Variants in VWA3B observed in about 807,000 individuals in gnomAD.
VWA3B encodes von Willebrand factor A domain-containing protein 3B.
Under a neutral mutation model 158.3 loss-of-function variants are expected in VWA3B, and 138 were observed. The observed-to-expected ratio is 0.87, with a 90% CI of 0.76 to 1.00. The LOEUF is 1.00. Among genes scored for constraint, VWA3B ranks in the 50% least tolerant of loss-of-function variants. The probability of loss-of-function intolerance (pLI) is 0.00; values close to 1 mark genes in which losing one functional copy is unlikely to be tolerated. For synonymous variants in VWA3B, 596 were observed against 587.3 expected, an observed-to-expected ratio of 1.01 and a Z score of -0.21; for missense variants, 1,555 against 1,565.1, an observed-to-expected ratio of 0.99 and a Z score of 0.11.
intron 13 of VWA3B, among the ~76,000 whole-genome samples, chr2:98,216,194 G>T (rs1683974542): frequency 6.6e-6 from 1 of 152,212 alleles, no homozygotes; most frequent in Admixed American, 6.5e-5. Context: ...AATTAAGCAG[G>T]TCAAAAAATT....
At chr2:98,257,000 A>G (rs1025085331) in intron 21 of VWA3B, among the ~76,000 whole-genome samples, 6 of 152,132 alleles carry the variant, frequency 3.9e-5, no homozygotes, top group Admixed American at 1.3e-4. Flanking sequence ...AATTATTGTT[A>G]ACTATGGTCT....
intron 7 of VWA3B, among the ~76,000 whole-genome samples, chr2:98,146,171 G>A (rs977079031): frequency 6.6e-6 from 1 of 152,170 alleles, no homozygotes; most frequent in Non-Finnish European, 1.5e-5. Flanking sequence ...CAGAAAAAAT[G>A]TTGGATCGTA....
chr2:98,092,757 A>T (rs1295094236), intron 1 of VWA3B, among the ~76,000 whole-genome samples: 3 of 144,786 alleles, frequency 2.1e-5, no homozygotes. Context: ...CACACATACT[A>T]CCACCACACA....
At chr2:98,177,820 A>C (rs774001255) in intron 8 of VWA3B, among the ~76,000 whole-genome samples, 26 of 152,078 alleles carry the variant, frequency 1.7e-4, no homozygotes, top group Non-Finnish European at 3.8e-4. Flanking sequence ...TGTTTTTAGG[A>C]AGTTCTGTGG....
At chr2:98,165,200 G>A (rs1678965068) in intron 8 of VWA3B, among the ~76,000 whole-genome samples, 1 of 152,186 alleles carries the variant, frequency 6.6e-6, no homozygotes, top group Admixed American at 6.5e-5. Context: ...CACTGTTTAA[G>A]GCTCCTTATG....
intron 21 of VWA3B, among the ~76,000 whole-genome samples, chr2:98,264,830 T>A (rs560599484): frequency 5.9e-5 from 9 of 152,044 alleles, no homozygotes; most frequent in Non-Finnish European, 1.2e-4. Flanking sequence ...TAATACTGGG[T>A]TGCTGTCTAT....
At chr2:98,273,502 T>C (rs768833227) in intron 22 of VWA3B, among the ~76,000 whole-genome samples, 16 of 152,354 alleles carry the variant, frequency 1.1e-4, no homozygotes, top group Non-Finnish European at 2.2e-4. Context: ...TCTGTCGATT[T>C]ACCTTCCTCG....
chr2:98,180,942 G>A (rs1309843671), intron 8 of VWA3B, 74 bp from the exon 9 acceptor site: 5 of 1,417,952 alleles, frequency 3.5e-6, no homozygotes, highest in Non-Finnish European at 4.8e-6. Flanking sequence ...GTTCCAAGTT[G>A]GTCAATATTA....
chr2:98,304,139 C>T (rs1266710872), intron 26 of VWA3B, among the ~76,000 whole-genome samples: 1 of 152,196 alleles, frequency 6.6e-6, no homozygotes, highest in African/African-American at 2.4e-5. Flanking sequence ...CCTACCTCTC[C>T]CCTTGCTGGG....
intron 2 of VWA3B, among the ~76,000 whole-genome samples, chr2:98,094,173 T>C (rs1682553028): frequency 6.6e-6 from 1 of 152,350 alleles, no homozygotes; most frequent in African/African-American, 2.4e-5. Flanking sequence ...GTGGGATTGC[T>C]GGATCATATG....
chr2:98,239,782 C>T (rs1270407274), intron 19 of VWA3B, among the ~76,000 whole-genome samples: 1 of 151,062 alleles, frequency 6.6e-6, no homozygotes, highest in South Asian at 2.1e-4. Context: ...GGTGTGGTGG[C>T]GTGTGCCTGT....
At chr2:98,155,456 C>T (rs994367014) in intron 7 of VWA3B, among the ~76,000 whole-genome samples, 26 of 152,174 alleles carry the variant, frequency 1.7e-4, no homozygotes, top group African/African-American at 6.3e-4. Context: ...GAAGCTGAAT[C>T]CTGACCTCAC....
chr2:98,259,641 T>G (rs1004713318), intron 21 of VWA3B, among the ~76,000 whole-genome samples: 1 of 151,780 alleles, frequency 6.6e-6, no homozygotes, highest in Non-Finnish European at 1.5e-5. Context: ...TTTTAGTCAA[T>G]CTAGCTGAAG....
chr2:98,126,482 G>A (rs1371064112), intron 5 of VWA3B, among the ~76,000 whole-genome samples: 2 of 152,168 alleles, frequency 1.3e-5, no homozygotes, highest in African/African-American at 2.4e-5. Context: ...GGGCACTGCC[G>A]CAGCTGGAAA....
intron 7 of VWA3B, among the ~76,000 whole-genome samples, chr2:98,134,642 T>C (rs1055940240): frequency 2.0e-5 from 3 of 151,974 alleles, no homozygotes; most frequent in Non-Finnish European, 2.9e-5. Context: ...TGGATGAAGG[T>C]ACCTGGTGGG....
chr2:98,109,692 A>T (rs1673989541), intron 2 of VWA3B, among the ~76,000 whole-genome samples: 1 of 152,044 alleles, frequency 6.6e-6, no homozygotes, highest in Non-Finnish European at 1.5e-5. Flanking sequence ...TAGCTCTGCT[A>T]GCCACAAATT....
At chr2:98,160,532 C>CG (rs1302114308) in intron 7 of VWA3B, among the ~76,000 whole-genome samples, 1 of 152,168 alleles carries the variant, frequency 6.6e-6, no homozygotes, top group Non-Finnish European at 1.5e-5. Context: ...GACCAAGAGC[C>CG]GACTGGGTTT....
rs779286429 is a variant in VWA3B at position 98,112,221 on chromosome 2, A to G, written c.197-3431A>G. Among the ~76,000 whole-genome samples, 58 of 151,100 alleles carry G rather than the reference A, an allele frequency of 3.8e-4. 2 individuals are homozygous for G. Among genetic ancestry groups the G allele is most frequent in the Non-Finnish European group, 8.8e-5 (6 of 67,798 alleles). ...AACTTTTTGAAGATCATATGACTGT[A>G]GTTGTGTGGCTTTATTTTTGGTTCT... On this transcript the variant is annotated intron_variant, in intron 2 of 27. Transcript: ENST00000477737.
At chr2:98,087,618 C>T (rs1387184792) in intron 1 of VWA3B, among the ~76,000 whole-genome samples, 13 of 152,168 alleles carry the variant, frequency 8.5e-5, no homozygotes. Flanking sequence ...CTCACCCGAG[C>T]CCACGCCCAG....
Sources: allele counts gnomAD v4.1 joint callset (sites outside exome capture counted in the v4.1 genomes callset), GRCh38; gene constraint gnomAD v4.1.1; transcripts MANE v1.5; gene names NCBI Gene and HGNC (gene_info 2026-07-23, HGNC 2026-07-21).